The following CD2 variants were observed in gnomAD, a reference collection of about 807,000 sequenced individuals.
CD2 encodes CD2 molecule.
CD2 carries 18 observed loss-of-function variants against 23.2 expected under a neutral mutation model. The ratio of observed to expected loss-of-function variants is 0.77; its 90% CI spans 0.54 to 1.15. The LOEUF is 1.15. Among genes scored for constraint, CD2 ranks in the 50% most tolerant of loss-of-function variants. The pLI is 0.00. For synonymous variants in CD2, 162 were observed against 151.9 expected, an observed-to-expected ratio of 1.07 and a Z score of -0.49; for missense variants, 424 against 423.1, an observed-to-expected ratio of 1.00 and a Z score of -0.02.
At chr1:116,761,084 G>A (rs1652036080) in intron 3 of CD2, among the ~76,000 whole-genome samples, 1 of 152,130 alleles carries the variant, frequency 6.6e-6, no homozygotes, top group South Asian at 2.1e-4. Flanking sequence ...ACCCTGGGGG[G>A]CAGGGTCATG....
rs573329807 is a variant in CD2 at position 116,762,423 on chromosome 1, G to A, written c.613+1791G>A. Reference sequence around the variant, plus strand: ...GAACACTTATGTCCCTTACTCTATGGTGCAGAGCAGAAGCTCATTGCGAGA... The same window carrying A: ...GAACACTTATGTCCCTTACTCTATGATGCAGAGCAGAAGCTCATTGCGAGA... On this transcript the variant is annotated intron_variant, in intron 3 of 4. Coordinates refer to ENST00000369478, the MANE Select transcript of CD2 (RefSeq NM_001767.5). Among the ~76,000 whole-genome samples the A allele has an allele frequency of 2.0e-5, 3 of 152,262 alleles. No homozygotes were observed. In the South Asian group the frequency reaches 6.2e-4, roughly 32 times the overall value.
intron 4 of CD2, among the ~76,000 whole-genome samples, chr1:116,765,605 C>T (rs539449730): frequency 8.5e-5 from 13 of 152,322 alleles, no homozygotes; most frequent in Admixed American, 2.6e-4. Flanking sequence ...GAACTTAGTC[C>T]CATTCTTCCC....
intron 3 of CD2, among the ~76,000 whole-genome samples, chr1:116,763,400 C>T (rs1366167493): frequency 1.3e-5 from 2 of 152,116 alleles, no homozygotes; most frequent in Non-Finnish European, 2.9e-5. Context: ...GGCCAAGTTC[C>T]AGTTTGTTCT....
intron 2 of CD2, among the ~76,000 whole-genome samples, chr1:116,756,305 C>T (rs868102826): frequency 1.3e-5 from 2 of 152,180 alleles, no homozygotes; most frequent in African/African-American, 2.4e-5. Flanking sequence ...GTGAGCCCTA[C>T]GCGGGGGACC....
intron 2 of CD2, among the ~76,000 whole-genome samples, chr1:116,757,158 G>A (rs557974907): frequency 2.0e-5 from 3 of 152,048 alleles, no homozygotes; most frequent in African/African-American, 7.2e-5. Context: ...CACCACGTCC[G>A]GCTAATTTTT....
In CD2 at chr1:116,768,519, G is replaced by C; in HGVS notation, c.792G>C (p.Lys264Asn). 6.2e-7 allele frequency: 1 copy of C among 1,614,134 alleles called. No individual in the cohort carries two copies. The highest frequency in any genetic ancestry group is 8.5e-7 in the Non-Finnish European group (1 of 1,180,028). Residue 264 changes from lysine (K) to asparagine (N), a missense_variant, in exon 5 of 5, where the codon AAG becomes AAC. Coordinates refer to ENST00000369478, the MANE Select transcript of CD2 (RefSeq NM_001767.5). ...TAGCTACTGAAGAAAGGGGCCGGAA[G>C]CCCCACCAAATTCCAGCTTCAACCC... ...HRVATEERGR[K>N]PHQIPASTPQ...
chr1:116,762,655 T>C (rs531782839), intron 3 of CD2, among the ~76,000 whole-genome samples: 9 of 152,344 alleles, frequency 5.9e-5, no homozygotes, highest in African/African-American at 1.9e-4. Context: ...CAGATTCAGA[T>C]GCACAAAAAT....
chr1:116,759,005 C>T (rs1259524737), intron 2 of CD2, among the ~76,000 whole-genome samples: 1 of 152,028 alleles, frequency 6.6e-6, no homozygotes, highest in Non-Finnish European at 1.5e-5. Context: ...TCAATTTGTC[C>T]ATACACTAAA....
intron 2 of CD2, among the ~76,000 whole-genome samples, chr1:116,759,714 C>T (rs1571239768): frequency 6.6e-6 from 1 of 152,172 alleles, no homozygotes; most frequent in East Asian, 1.9e-4. Context: ...GGAGGGCCAG[C>T]GTAGACCCTG....
At chr1:116,759,457 G>A (rs1019297279) in intron 2 of CD2, among the ~76,000 whole-genome samples, 1 of 151,948 alleles carries the variant, frequency 6.6e-6, no homozygotes, top group East Asian at 1.9e-4. Flanking sequence ...ACGAGGAAAA[G>A]GAAAAGTTCA....
Position 116,754,615 on chromosome 1 carries a change from C to G in CD2, c.62-16C>G. ...TCCCTGAAAGTGACTCTCAGTAACT[C>G]TTTTGCTTTTTATAGGTGCAGTCTC... On this transcript the variant is annotated splice_polypyrimidine_tract_variant and intron_variant, in intron 1 of 4. Transcript: ENST00000369478. 3 of 1,608,314 alleles carry G rather than the reference C, an allele frequency of 1.9e-6. No individual in the cohort carries two copies. Among genetic ancestry groups the G allele is most frequent in the Non-Finnish European group, 2.5e-6 (3 of 1,178,228 alleles).
In CD2 at chr1:116,764,718, G is replaced by A. The variant is rs777658052; in HGVS notation, c.736+112G>A. The stretch of plus-strand genomic sequence containing the variant: ...GAAAATGATGGAAATAGGTAGTTTC[G>A]GAATGTCAGGGTTGTAGTCAGCGGT... On this transcript the variant is annotated intron_variant, in intron 4 of 4. Coordinates refer to ENST00000369478, the MANE Select transcript of CD2 (RefSeq NM_001767.5). 3.1e-5 allele frequency: 25 copies of A among 812,462 alleles called. No individual in the cohort carries two copies. The East Asian group carries it at 4.4e-4, about 14-fold the overall frequency. 50.3% of individuals were successfully genotyped at this position (812,462 alleles called of 1,614,324 possible). A position where few individuals can be genotyped will look rare whatever the true frequency, so the allele number is the denominator to read the frequency against.
chr1:116,761,030 G>A (rs945127862), intron 3 of CD2, among the ~76,000 whole-genome samples: 2 of 152,264 alleles, frequency 1.3e-5, no homozygotes, highest in Non-Finnish European at 2.9e-5. Flanking sequence ...GATGGTTAGT[G>A]GTCAGCACCT....
chr1:116,757,852 C>T (rs1571238546), intron 2 of CD2, among the ~76,000 whole-genome samples: 1 of 152,026 alleles, frequency 6.6e-6, no homozygotes, highest in Non-Finnish European at 1.5e-5. Flanking sequence ...TCACTGCAGC[C>T]TCTGCCTCTT....
At position 116,764,495 on chromosome 1, in the gene CD2, G is replaced by C. The variant is rs1046307212; in HGVS notation, c.625G>C (p.Asp209His). ...EPVSCPEKGL[D>H]IYLIIGICGG... ...TCTTCCTTTTGCAGAGAAAGGTCTG[G>C]ACATCTATCTCATCATTGGCATATG... Residue 209 changes from aspartate to histidine, a missense_variant, in exon 4 of 5, where the codon GAC becomes CAC. By Grantham distance (81) the Asp-to-His change is moderately conservative. Coordinates refer to ENST00000369478, the MANE Select transcript of CD2 (RefSeq NM_001767.5). 4 of 1,613,934 alleles carry C rather than the reference G, an allele frequency of 2.5e-6. No homozygotes were observed. The highest frequency in any genetic ancestry group is 3.4e-6 in the Non-Finnish European group (4 of 1,179,984).
At position 116,764,554 on chromosome 1, in the gene CD2, A is replaced by G; in HGVS notation, c.684A>G (p.Ala228=). 1.2e-6 allele frequency: 2 copies of G among 1,614,082 alleles called. No homozygotes were observed. The highest frequency in any genetic ancestry group is 1.7e-6 in the Non-Finnish European group (2 of 1,179,996). The part of the protein sequence containing the change: ...GGGSLLMVFV[A]LLVFYITKRK... The stretch of plus-strand genomic sequence containing the variant: ...GCAGCCTCTTGATGGTCTTTGTGGC[A>G]CTGCTCGTTTTCTATATCACCAAAA... Residue 228 remains alanine (A), a synonymous_variant, in exon 4 of 5, where the codon GCA becomes GCG. Transcript: ENST00000369478.
At position 116,756,575 on chromosome 1, in the gene CD2, T is replaced by C. The variant is rs527743655; in HGVS notation, c.382+1624T>C. 1.0e-3 allele frequency among the ~76,000 whole-genome samples: 152 copies of C among 152,114 alleles called. 3 individuals carry two copies. In the Middle Eastern group the frequency reaches 0.01, roughly 10 times the overall value. Reference sequence around the variant, plus strand: ...TTTGGCAAGAATGACGACCTTTTCTTTTTTTTTCCAAGCAGCTTCATTGAG... The same window carrying C: ...TTTGGCAAGAATGACGACCTTTTCTCTTTTTTTCCAAGCAGCTTCATTGAG... On this transcript the variant is annotated intron_variant, in intron 2 of 4. Transcript: ENST00000369478.
At chr1:116,765,721 A>G (rs948095588) in intron 4 of CD2, among the ~76,000 whole-genome samples, 3 of 152,076 alleles carry the variant, frequency 2.0e-5, no homozygotes, top group Non-Finnish European at 2.9e-5. Context: ...GCTGTTCTCC[A>G]TGCTCCTCTC....
intron 3 of CD2, 62 bp downstream of exon 3, chr1:116,760,694 C>T: frequency 1.5e-6 from 2 of 1,297,664 alleles, no homozygotes; most frequent in Non-Finnish European, 1.1e-6. Flanking sequence ...CAGAGGCATG[C>T]TGCTCCAGGT....
Sources: allele counts gnomAD v4.1 joint callset (sites outside exome capture counted in the v4.1 genomes callset), GRCh38; gene constraint gnomAD v4.1.1; transcripts MANE v1.5; gene names NCBI Gene and HGNC (gene_info 2026-07-23, HGNC 2026-07-21).